Variants in CDK14 observed in about 807,000 individuals in gnomAD.
The protein encoded by CDK14 is cyclin-dependent kinase 14.
In CDK14, 34 loss-of-function variants were observed where a neutral mutation model predicts 60.7. The ratio of observed to expected loss-of-function variants is 0.56; its 90% CI spans 0.43 to 0.75. The LOEUF (loss-of-function observed/expected upper bound fraction) is 0.75. CDK14 is among the 30% of genes least tolerant of loss of function. CDK14 has a pLI of 0.00. For missense variants in CDK14, 482 were observed against 564.1 expected, an observed-to-expected ratio of 0.85 and a Z score of 1.47; for synonymous variants, 197 against 203.7, an observed-to-expected ratio of 0.97 and a Z score of 0.28.
intron 5 of CDK14, among the ~76,000 whole-genome samples, chr7:90,834,478 G>T (rs983523274): frequency 5.9e-5 from 9 of 152,136 alleles, no homozygotes; most frequent in Non-Finnish European, 1.3e-4. Context: ...GATTTTATTA[G>T]GACTGTAATG....
chr7:90,764,761 T>G (rs779768234), intron 4 of CDK14, among the ~76,000 whole-genome samples: 4 of 152,196 alleles, frequency 2.6e-5, no homozygotes, highest in Non-Finnish European at 4.4e-5. Context: ...ATAAACAAAT[T>G]CTTTGAATTT....
At chr7:91,165,699 A>G (rs942498405) in intron 14 of CDK14, among the ~76,000 whole-genome samples, 1 of 152,344 alleles carries the variant, frequency 6.6e-6, no homozygotes, top group African/African-American at 2.4e-5. Flanking sequence ...TTCTGAAAGT[A>G]ATCCATGCAT....
chr7:90,747,833 T>G, intron 4 of CDK14, 58 bp downstream of exon 4: 2 of 692,692 alleles, frequency 2.9e-6, no homozygotes, highest in Admixed American at 6.2e-5. Flanking sequence ...CTCTTATTAC[T>G]AAATAGCATT....
intron 5 of CDK14, among the ~76,000 whole-genome samples, chr7:90,797,005 G>A (rs1788459327): frequency 3.3e-5 from 5 of 151,738 alleles, no homozygotes; most frequent in African/African-American, 4.9e-5. Context: ...CTACTGATTT[G>A]TGTATGTTGA....
chr7:90,606,681 A>G (rs1353839971), intron 2 of CDK14, among the ~76,000 whole-genome samples: 1 of 152,244 alleles, frequency 6.6e-6, no homozygotes, highest in African/African-American at 2.4e-5. Flanking sequence ...ACCATTGTTT[A>G]GATTCCGTAT....
At chr7:91,118,842 T>C (rs1799692184) in intron 14 of CDK14, among the ~76,000 whole-genome samples, 1 of 152,134 alleles carries the variant, frequency 6.6e-6, no homozygotes, top group Non-Finnish European at 1.5e-5. Context: ...TCAAATTCTT[T>C]GTCCTCTACT....
chr7:90,786,225 G>A (rs1805575120), intron 4 of CDK14, among the ~76,000 whole-genome samples: 1 of 152,166 alleles, frequency 6.6e-6, no homozygotes, highest in African/African-American at 2.4e-5. Flanking sequence ...GGCAGTAACT[G>A]CAATAGAACA....
At chr7:90,745,603 A>G (rs1803560090) in intron 3 of CDK14, among the ~76,000 whole-genome samples, 1 of 152,108 alleles carries the variant, frequency 6.6e-6, no homozygotes, top group African/African-American at 2.4e-5. Flanking sequence ...TTTAGTAGAG[A>G]TGGGGTTTCA....
At chr7:90,686,569 C>T (rs1801441245) in intron 2 of CDK14, among the ~76,000 whole-genome samples, 1 of 152,164 alleles carries the variant, frequency 6.6e-6, no homozygotes, top group South Asian at 2.1e-4. Context: ...TTGAAGGACA[C>T]TATTATCTTA....
At chr7:90,935,617 G>A (rs1350787746) in intron 8 of CDK14, among the ~76,000 whole-genome samples, 2 of 151,578 alleles carry the variant, frequency 1.3e-5, no homozygotes, top group African/African-American at 2.4e-5. Flanking sequence ...TTACATAATG[G>A]GCAATTATAC....
intron 2 of CDK14, among the ~76,000 whole-genome samples, chr7:90,663,676 A>G (rs1800910316): frequency 6.6e-6 from 1 of 152,206 alleles, no homozygotes; most frequent in African/African-American, 2.4e-5. Context: ...TTTTAATAAA[A>G]CAAAAACAGA....
intron 6 of CDK14, among the ~76,000 whole-genome samples, chr7:90,875,524 C>T (rs1399860942): frequency 6.6e-6 from 1 of 151,488 alleles, no homozygotes; most frequent in Non-Finnish European, 1.5e-5. Context: ...TTGTTATTTT[C>T]TGCCTTTTTT....
Position 90,896,379 on chromosome 7 carries a change from T to A in CDK14, c.640-2912T>A, listed in dbSNP as rs1329711810. Among the ~76,000 whole-genome samples the A allele has an allele frequency of 2.0e-5, 3 of 152,264 alleles. No individual in the cohort carries two copies. The East Asian group carries it at 5.8e-4, about 29-fold the overall frequency. ...CTTCCTTATTTTCCTCCTGCTGCCA[T>A]TGAACTTAAAACACCATTGATTGGA... On this transcript the variant is annotated intron_variant, in intron 6 of 14. Coordinates refer to ENST00000380050, the MANE Select transcript of CDK14 (RefSeq NM_001287135.2).
chr7:90,901,951 A>G (rs1442307701), intron 7 of CDK14, among the ~76,000 whole-genome samples: 1 of 152,088 alleles, frequency 6.6e-6, no homozygotes, highest in Non-Finnish European at 1.5e-5. Context: ...AAAAATTTGT[A>G]GTATTTCTTC....
Position 90,739,574 on chromosome 7 carries a change from AAG to A in CDK14, c.370-8103_370-8102del, listed in dbSNP as rs1381919973. ...AGAAAATTATTTGTGCCTTTCCAGA[AAG>A]AGAAAATTTTGGCTTCCTGTTCTCT... On this transcript the variant is annotated intron_variant, in intron 3 of 14. Transcript: ENST00000380050. Among the ~76,000 whole-genome samples the A allele has an allele frequency of 5.3e-5, 8 of 152,288 alleles. 1 individual carries two copies. The East Asian group carries it at 1.5e-3, about 29-fold the overall frequency.
At chr7:90,899,092 C>A (rs1410902469) in intron 6 of CDK14, among the ~76,000 whole-genome samples, 199 bp from the exon 7 acceptor site, 1 of 151,460 alleles carries the variant, frequency 6.6e-6, no homozygotes, top group African/African-American at 2.4e-5. Flanking sequence ...TAAAACAGAG[C>A]CGAGAGGGAA....
At chr7:90,720,678 A>G (rs929389715) in intron 2 of CDK14, among the ~76,000 whole-genome samples, 1 of 152,190 alleles carries the variant, frequency 6.6e-6, no homozygotes, top group Non-Finnish European at 1.5e-5. Flanking sequence ...ATACTTATTA[A>G]CAGTGTGGGT....
At chr7:90,858,787 G>A (rs1278301468) in intron 5 of CDK14, among the ~76,000 whole-genome samples, 2 of 152,144 alleles carry the variant, frequency 1.3e-5, no homozygotes, top group Non-Finnish European at 2.9e-5. Flanking sequence ...ATGAGCCTAT[G>A]CGATCCCCAG....
chr7:91,062,168 C>G (rs191709279), intron 11 of CDK14, among the ~76,000 whole-genome samples: 2 of 152,094 alleles, frequency 1.3e-5, no homozygotes, highest in African/African-American at 4.8e-5. Flanking sequence ...TAGCAATGAC[C>G]GAGGCTCCAT....
Sources: gnomAD v4.1 joint callset for allele counts (sites outside exome capture counted in the v4.1 genomes callset) on GRCh38, gnomAD v4.1.1 for gene constraint, MANE v1.5 for transcripts, NCBI Gene and HGNC (gene_info 2026-07-23, HGNC 2026-07-21) for gene names.